VCAN: variants seen among roughly 807,000 people sequenced by gnomAD.
VCAN encodes versican core protein.
Under a neutral mutation model 245.5 loss-of-function variants are expected in VCAN, and 44 were observed. The ratio of observed to expected loss-of-function variants is 0.18; its 90% CI spans 0.14 to 0.23. VCAN has a LOEUF of 0.23. Among genes scored for constraint, VCAN ranks in the 10% least tolerant of loss-of-function variants. VCAN has a pLI of 1.00. For missense variants in VCAN, 3,793 were observed against 4,057.9 expected (o/e 0.93, Z 1.77); for synonymous variants, 1,413 against 1,437.0 (o/e 0.98, Z 0.38).
At chr5:83,556,414 C>T (rs2112474770) in intron 12 of VCAN, among the ~76,000 whole-genome samples, 1 of 152,292 alleles carries the variant, frequency 6.6e-6, no homozygotes, top group East Asian at 1.9e-4. Context: ...CTGAGTTTCT[C>T]TCTCTGTCAC....
intron 10 of VCAN, among the ~76,000 whole-genome samples, chr5:83,551,030 G>A (rs1173867162): frequency 6.7e-6 from 1 of 149,508 alleles, no homozygotes; most frequent in African/African-American, 2.5e-5. Context: ...ACAAATAAAT[G>A]CATTTTCCCA....
Position 83,539,348 on chromosome 5 carries a change from A to T in VCAN, c.6345A>T (p.Thr2115=). ...GACAAGAAATTGAAAGTGAAACAACATCAGAGGAACAAATTCAAGAAGAAA... is the reference window on the plus strand; with the variant it reads ...GACAAGAAATTGAAAGTGAAACAACTTCAGAGGAACAAATTCAAGAAGAAA... ...PVRQEIESET[T]SEEQIQEEKS... Residue 2115 remains threonine, a synonymous_variant, in exon 8 of 15, where the codon ACA becomes ACT. Coordinates refer to ENST00000265077, the MANE Select transcript of VCAN (RefSeq NM_004385.5). The T allele has an allele frequency of 6.2e-7, 1 of 1,614,156 alleles. No homozygotes were observed. Among genetic ancestry groups the T allele is most frequent in the South Asian group, 1.1e-5 (1 of 91,088 alleles).
chr5:83,574,215 C>A (rs1439604115), intron 13 of VCAN, among the ~76,000 whole-genome samples: 2 of 63,092 alleles, frequency 3.2e-5, no homozygotes, highest in Non-Finnish European at 7.0e-5. Flanking sequence ...GGCAGATCTT[C>A]CCCACCTCAT....
At chr5:83,546,401 C>A (rs1747221764) in intron 9 of VCAN, among the ~76,000 whole-genome samples, 1 of 152,076 alleles carries the variant, frequency 6.6e-6, no homozygotes, top group Non-Finnish European at 1.5e-5. Context: ...ACCAATAGCA[C>A]TTTAAATTAT....
chr5:83,481,300 A>G (rs1744606727), intron 1 of VCAN, among the ~76,000 whole-genome samples: 1 of 143,958 alleles, frequency 6.9e-6, no homozygotes, highest in Non-Finnish European at 1.5e-5. Flanking sequence ...GCGCAATCTC[A>G]GCTCACTGCA....
intron 8 of VCAN, among the ~76,000 whole-genome samples, 186 bp downstream of exon 8, chr5:83,542,454 A>G (rs1404981640): frequency 2.0e-5 from 3 of 152,226 alleles, no homozygotes; most frequent in Non-Finnish European, 2.9e-5. Flanking sequence ...AGTATAGATT[A>G]GTTTTGGACT....
chr5:83,492,798 T>C (rs1745024178), intron 3 of VCAN, among the ~76,000 whole-genome samples: 1 of 152,244 alleles, frequency 6.6e-6, no homozygotes, highest in African/African-American at 2.4e-5. Flanking sequence ...GCTGGTCAGG[T>C]AAAGAATATG....
chr5:83,556,764 A>G (rs1447608446), intron 12 of VCAN, among the ~76,000 whole-genome samples: 1 of 152,084 alleles, frequency 6.6e-6, no homozygotes, highest in Non-Finnish European at 1.5e-5. Context: ...TTTTGATCCT[A>G]TTAATTTAAT....
Position 83,573,727 on chromosome 5 carries a change from A to G in VCAN, c.9880+1167A>G, listed in dbSNP as rs573074087. 3.3e-5 allele frequency among the ~76,000 whole-genome samples: 5 copies of G among 152,258 alleles called. No individual in the cohort carries two copies. The East Asian group carries it at 9.7e-4, about 30-fold the overall frequency. On this transcript the variant is annotated intron_variant, in intron 13 of 14. Transcript: ENST00000265077. Reference sequence around the variant, plus strand: ...TACTAATGGCAGTTGGGGAAAAACCAAAATGTATGAATGCACATCACTCTG... The same window carrying G: ...TACTAATGGCAGTTGGGGAAAAACCGAAATGTATGAATGCACATCACTCTG...
At chr5:83,568,034 A>G (rs1349519774) in intron 12 of VCAN, among the ~76,000 whole-genome samples, 1 of 152,182 alleles carries the variant, frequency 6.6e-6, no homozygotes, top group Non-Finnish European at 1.5e-5. Flanking sequence ...AAGAAGATCT[A>G]TTACCTTCTT....
chr5:83,579,715 G>A (rs1748602523), intron 13 of VCAN, among the ~76,000 whole-genome samples: 1 of 152,016 alleles, frequency 6.6e-6, no homozygotes, highest in African/African-American at 2.4e-5. Context: ...GGCCCTTCCA[G>A]AGGGGTAGAT....
intron 13 of VCAN, among the ~76,000 whole-genome samples, chr5:83,574,878 C>A (rs573774446): frequency 5.9e-5 from 9 of 152,116 alleles, no homozygotes; most frequent in African/African-American, 1.7e-4. Flanking sequence ...ATTTTAAAAG[C>A]GAATTTTTTA....
chr5:83,506,477 C>T (rs1056745343), intron 5 of VCAN, among the ~76,000 whole-genome samples: 1 of 151,832 alleles, frequency 6.6e-6, no homozygotes. Context: ...GTCCCCAAGT[C>T]CTTCATCTCC....
Position 83,493,830 on chromosome 5 carries a change from G to A in VCAN, c.647G>A (p.Gly216Asp). ...TATCCCATCCGGGCTCCCAGAGTAG[G>A]CTGTTATGGAGATAAGATGGGAAAG... is the stretch of plus-strand genomic sequence containing the variant. ...VRYPIRAPRVGCYGDKMGKAG... is the reference protein window; with the variant it reads ...VRYPIRAPRVDCYGDKMGKAG... Residue 216 changes from glycine to aspartate, a missense_variant, in exon 5 of 15, where the codon GGC becomes GAC. By Grantham distance (94) the Gly-to-Asp change is moderately conservative. This residue lies in a region of VCAN where 190 missense variants were observed against 288.6 expected (regional missense o/e 0.66). Transcript: ENST00000265077. 1 of 1,614,128 alleles carries A rather than the reference G, an allele frequency of 6.2e-7. No individual in the cohort carries two copies. Among genetic ancestry groups the A allele is most frequent in the Non-Finnish European group, 8.5e-7 (1 of 1,180,008 alleles).
chr5:83,536,914 G>T, intron 7 of VCAN, 93 bp from the exon 8 acceptor site: 1 of 1,018,552 alleles, frequency 9.8e-7, no homozygotes, highest in Non-Finnish European at 1.4e-6. Flanking sequence ...CCTTCTTTGT[G>T]TGTGTGGGTG....
chr5:83,566,272 C>G (rs1333874973), intron 12 of VCAN, among the ~76,000 whole-genome samples: 6 of 152,040 alleles, frequency 3.9e-5, no homozygotes, highest in Non-Finnish European at 7.4e-5. Context: ...TGAAAAACTG[C>G]TTTTTTAACC....
At chr5:83,487,641 G>A (rs925615638) in intron 2 of VCAN, among the ~76,000 whole-genome samples, 27 of 152,204 alleles carry the variant, frequency 1.8e-4, no homozygotes, top group African/African-American at 5.5e-4. Flanking sequence ...TGTTAATCTT[G>A]TTAAGTTTGT....
At position 83,571,987 on chromosome 5, in the gene VCAN, C is replaced by A. The variant is rs186993345; in HGVS notation, c.9736-429C>A. ...GATAAGACAAGACAGGCTGAAAATT[C>A]GATTGAGGTATCATCACAATTATAT... On this transcript the variant is annotated intron_variant, in intron 12 of 14. Transcript: ENST00000265077. Among the ~76,000 whole-genome samples, 259 of 152,058 alleles carry A rather than the reference C, an allele frequency of 1.7e-3. 3 individuals carry two copies. The highest frequency in any genetic ancestry group is 6.0e-3 in the African/African-American group (247 of 41,486).
Position 83,538,669 on chromosome 5 carries a change from C to A in VCAN, c.5666C>A (p.Thr1889Lys), listed in dbSNP as rs780568053. The A allele has an allele frequency of 6.2e-7, 1 of 1,614,072 alleles. No homozygotes were observed. Among genetic ancestry groups the A allele is most frequent in the East Asian group, 2.2e-5 (1 of 44,876 alleles). Residue 1889 changes from threonine (T) to lysine (K), a missense_variant, in exon 8 of 15, where the codon ACA becomes AAA. By Grantham distance (78) the Thr-to-Lys change is moderately conservative. Transcript: ENST00000265077. ...GAGCCAACAGGACTGGTTTTGAGTACAGTAATGGACAGAGTAGTTGCTGAA... is the reference window on the plus strand; with the variant it reads ...GAGCCAACAGGACTGGTTTTGAGTAAAGTAATGGACAGAGTAGTTGCTGAA... ...STEPTGLVLS[T>K]VMDRVVAENI...
Sources: gnomAD v4.1 joint callset for allele counts (sites outside exome capture counted in the v4.1 genomes callset) on GRCh38, gnomAD v4.1.1 for gene constraint, gnomAD v4.1.1 regional missense constraint, MANE v1.5 for transcripts, NCBI Gene and HGNC (gene_info 2026-07-23, HGNC 2026-07-21) for gene names.